The following P3H4 variants were observed in gnomAD, a reference collection of about 807,000 sequenced individuals.
The protein encoded by P3H4 is prolyl 3-hydroxylase family member 4 (inactive).
A neutral mutation model predicts 52.9 loss-of-function variants in P3H4; 47 were observed. That is an observed-to-expected ratio of 0.89 (90% confidence interval 0.70 to 1.13). The LOEUF (loss-of-function observed/expected upper bound fraction) is 1.13. Ranked by LOEUF, P3H4 falls within the 50% of genes most tolerant of loss-of-function variation. The probability of loss-of-function intolerance (pLI) is 0.00; values close to 1 mark genes in which losing one functional copy is unlikely to be tolerated. For missense variants in P3H4, 585 were observed against 611.0 expected, an observed-to-expected ratio of 0.96 and a Z score of 0.45; for synonymous variants, 256 against 267.9, an observed-to-expected ratio of 0.96 and a Z score of 0.44.
rs147807044 is a variant in P3H4 at position 41,808,120 on chromosome 17, G to A, written c.917-116C>T. ...AGCCACCTCCCAGAATACCTAATGG[G>A]CTCCTTATCCCACCCAAGCATAATG... On this transcript the variant is annotated intron_variant, in intron 4 of 7. Transcript: ENST00000393928. 4.0e-3 allele frequency: 5,268 copies of A among 1,325,170 alleles called. 22 individuals carry two copies. The highest frequency in any genetic ancestry group is 3.9e-3 in the Non-Finnish European group (3,757 of 971,552). 82.1% of individuals were successfully genotyped at this position (1,325,170 alleles called of 1,614,324 possible).
chr17:41,808,037 G>T (rs373523835), intron 4 of P3H4, 33 bp from the exon 5 acceptor site: 17 of 1,595,770 alleles, frequency 1.1e-5, no homozygotes, highest in Admixed American at 1.7e-5. Flanking sequence ...AATTGCTCTG[G>T]CACTTCCCCT....
At position 41,802,937 on chromosome 17, in the gene P3H4, C is replaced by A. The variant is rs1065029; in HGVS notation, c.*20G>T. 6.2e-7 allele frequency: 1 copy of A among 1,610,516 alleles called. No individual in the cohort carries two copies. The highest frequency in any genetic ancestry group is 1.1e-5 in the South Asian group (1 of 90,556). On this transcript the variant is annotated 3_prime_UTR_variant, in exon 8 of 8. Coordinates refer to ENST00000393928, the MANE Select transcript of P3H4 (RefSeq NM_006455.3). ...CGGCACCAGGCTTCCCAAGCTTGAG[C>A]GGTGTGGGGTGTCCCCTTCTCATGC... is the stretch of plus-strand genomic sequence containing the variant.
At position 41,811,825 on chromosome 17, in the gene P3H4, C is replaced by T. The variant is rs1471225452; in HGVS notation, c.91G>A (p.Glu31Lys). 1.9e-6 allele frequency: 3 copies of T among 1,540,736 alleles called. No individual in the cohort carries two copies. The East Asian group carries it at 7.8e-5, about 40-fold the overall frequency. The change falls in exon 1 of 8, where the codon GAG (glutamate) becomes AAG (lysine). Residue 31 changes from glutamate (E) to lysine (K), a missense_variant. Physicochemically the swap from Glu to Lys is moderately conservative, Grantham distance 56. Transcript: ENST00000393928. The surrounding 1 kb of genome is among the most constrained non-coding windows in gnomAD (Gnocchi z 4.8). ...GCCGCGGCCAGCGGCATCAGGTCCT[C>T]GGGCGGGAAGCCCCGGAAGCTGTAC... Reference protein sequence around the residue: ...EKYSFRGFPPEDLMPLAAAYG... With the variant: ...EKYSFRGFPPKDLMPLAAAYG...
rs782373074 is a variant in P3H4 at position 41,809,798 on chromosome 17, C to G, written c.824G>C (p.Cys275Ser). Residue 275 changes from cysteine (C) to serine (S), a missense_variant, in exon 4 of 8, where the codon TGT becomes TCT. Cys to Ser is a moderately radical substitution (Grantham distance 112). Transcript: ENST00000393928. ...FAESLQCKVD[C>S]EANLTPNVGG... ...CACATTGGGGGTCAAATTGGCCTCA[C>G]AGTCCACCTTGCACTGCAGGGACTC... 2.5e-6 allele frequency: 4 copies of G among 1,613,944 alleles called. No homozygotes were observed. Among genetic ancestry groups the G allele is most frequent in the African/African-American group, 1.3e-5 (1 of 75,034 alleles).
chr17:41,806,143 C>T (rs540945253), intron 6 of P3H4, among the ~76,000 whole-genome samples: 3 of 151,860 alleles, frequency 2.0e-5, no homozygotes, highest in Admixed American at 1.3e-4. Context: ...CGTGTGAACC[C>T]GGGAGGCAGA....
chr17:41,810,587 C>T (rs1216794049), intron 3 of P3H4: 9 of 441,310 alleles, frequency 2.0e-5, no homozygotes, highest in South Asian at 3.9e-5. Flanking sequence ...TACTTCTCAC[C>T]GCTGCACCTT....
At chr17:41,806,218 C>CAAAA (rs112940373) in intron 6 of P3H4, among the ~76,000 whole-genome samples, 10 of 140,158 alleles carry the variant, frequency 7.1e-5, no homozygotes, top group Admixed American at 1.4e-4. Context: ...GACTCCATCT[C>CAAAA]AAAAAAAAAA....
chr17:41,811,334 G>A lies in P3H4; in HGVS notation c.463-50C>T, dbSNP rs1567850644. ...GAGCGGGTCAGCAAGACCGGAGCTC[G>A]CGGCCCCGAGCGCACGGCGGGCTTC... On this transcript the variant is annotated intron_variant, in intron 1 of 7. Coordinates refer to ENST00000393928, the MANE Select transcript of P3H4 (RefSeq NM_006455.3). The surrounding 1 kb of genome is among the most constrained non-coding windows in gnomAD (Gnocchi z 4.8). 2 of 1,608,112 alleles carry A rather than the reference G, an allele frequency of 1.2e-6. No homozygotes were observed. The highest frequency in any genetic ancestry group is 1.7e-5 in the Admixed American group (1 of 59,912).
rs1166622014 is a variant in P3H4 at position 41,807,067 on chromosome 17, T to C, written c.1063-188A>G. ...ACACTGGGTTAAGGATTCTGAGAGT[T>C]TGGTGACAAAGAGTCCCTCAATCGA... On this transcript the variant is annotated intron_variant, in intron 5 of 7. Coordinates refer to ENST00000393928, the MANE Select transcript of P3H4 (RefSeq NM_006455.3). 1.2e-5 allele frequency: 7 copies of C among 580,534 alleles called. No individual in the cohort carries two copies. In the Admixed American group the frequency reaches 1.5e-4, roughly 12 times the overall value. The allele number at this position is 580,534 out of a possible 1,614,324, so 36.0% of individuals were successfully genotyped here.
In P3H4 at chr17:41,811,230, G is replaced by C. The variant is rs782357317; in HGVS notation, c.517C>G (p.Pro173Ala). 1 of 1,614,070 alleles carries C rather than the reference G, an allele frequency of 6.2e-7. No individual in the cohort carries two copies. The highest frequency in any genetic ancestry group is 8.5e-7 in the Non-Finnish European group (1 of 1,180,046). Residue 173 changes from proline (P) to alanine (A), a missense_variant, in exon 2 of 8, where the codon CCG (proline) becomes GCG (alanine). By Grantham distance (27) the Pro-to-Ala change is conservative. Coordinates refer to ENST00000393928, the MANE Select transcript of P3H4 (RefSeq NM_006455.3). This position sits in a 1 kb window ranked among gnomAD's most constrained non-coding sequence, Gnocchi z 4.8. ...TACTTGGCGGTCAGCTCGTGCTTCG[G>C]GTTCCTCTGGAGGAAGGTGTAGGCC... ...AAAYTFLQRNPKHELTAKYLN... is the reference protein window; with the variant it reads ...AAAYTFLQRNAKHELTAKYLN...
rs372954892 is a variant in P3H4, at chr17:41,811,131, C to T, written c.615+1G>A. 4 of 1,614,058 alleles carry T rather than the reference C, an allele frequency of 2.5e-6. No individual in the cohort carries two copies. The highest frequency in any genetic ancestry group is 3.4e-6 in the Non-Finnish European group (4 of 1,180,000). On this transcript the variant is annotated splice_donor_variant, in intron 2 of 7. Transcript: ENST00000393928. LOFTEE classifies it high-confidence loss of function. This position sits in a 1 kb window ranked among gnomAD's most constrained non-coding sequence, Gnocchi z 4.8. ...AGCCTCCTCCTGACCCTCCACCCCA[C>T]CTCGTAGGGCTGGGCCTCTAGGTCC...
At chr17:41,809,343 G>A (rs1555614593) in intron 4 of P3H4, among the ~76,000 whole-genome samples, 2 of 152,192 alleles carry the variant, frequency 1.3e-5, no homozygotes, top group Non-Finnish European at 2.9e-5. Flanking sequence ...TTGAATCCGG[G>A]AGGCAGCGGT....
In P3H4 at chr17:41,810,682, A is replaced by T. The variant is rs1212867099; in HGVS notation, c.787+181T>A. 4.5e-6 allele frequency: 3 copies of T among 673,532 alleles called. No individual in the cohort carries two copies. In the East Asian group the frequency reaches 8.4e-5, roughly 19 times the overall value. 41.7% of individuals were successfully genotyped at this position (673,532 alleles called of 1,614,324 possible). A position where few individuals can be genotyped will look rare whatever the true frequency, so the allele number is the denominator to read the frequency against. ...GGGATGTCACTGCCTCTACTCACTG[A>T]TCCAGCCCCTTGGACACTCCCAGCT... is the stretch of plus-strand genomic sequence containing the variant. On this transcript the variant is annotated intron_variant, in intron 3 of 7. Transcript: ENST00000393928.
intron 4 of P3H4, 54 bp downstream of exon 4, chr17:41,809,652 C>A: frequency 6.3e-7 from 1 of 1,588,472 alleles, no homozygotes; most frequent in Non-Finnish European, 8.6e-7. Flanking sequence ...CCCATACAGT[C>A]CTCTCCCTTA....
Position 41,802,779 on chromosome 17 carries a change from T to C in P3H4, c.*178A>G. 1.6e-6 allele frequency: 1 copy of C among 607,664 alleles called. No homozygotes were observed. Among genetic ancestry groups the C allele is most frequent in the Non-Finnish European group, 2.9e-6 (1 of 349,680 alleles). 37.6% of individuals were successfully genotyped at this position (607,664 alleles called of 1,614,324 possible). A position where few individuals can be genotyped will look rare whatever the true frequency, so the allele number is the denominator to read the frequency against. ...GTTGGCCAGGCTGGTCTTGAACTCC[T>C]GGCCTCAAGTGATCCACCCACCTTG... On this transcript the variant is annotated 3_prime_UTR_variant, in exon 8 of 8. Coordinates refer to ENST00000393928, the MANE Select transcript of P3H4 (RefSeq NM_006455.3).
rs1555614919 is a variant in P3H4 at position 41,810,975 on chromosome 17, C to T, written c.675G>A (p.Glu225=). 1.2e-6 allele frequency: 2 copies of T among 1,614,194 alleles called. No individual in the cohort carries two copies. The highest frequency in any genetic ancestry group is 3.3e-5 in the Admixed American group (2 of 60,028). The change falls in exon 3 of 8, where the codon GAG becomes GAA. Residue 225 remains glutamate, a synonymous_variant. Transcript: ENST00000393928. ...YNSGDFRSST[E]DMERALSEYL... ...ACTCTGACAAGGCCCGCTCCATGTC[C>T]TCCGTGCTGCTGCGGAAATCCCCGC...
At chr17:41,807,004 CAGCTCACA>C (rs1555614287) in intron 5 of P3H4, 125 bp from the exon 6 acceptor site, 1 of 699,214 alleles carries the variant, frequency 1.4e-6, no homozygotes, top group Non-Finnish European at 2.5e-6. Flanking sequence ...GAATAGGTAT[CAGCTCACA>C]AGCTCATCAG....
rs1341779099 is a variant in P3H4, at chr17:41,807,920, A to C, written c.1001T>G (p.Val334Gly). ...PKDSVMQQNL[V>G]YYRFHRARWG... ...GCGAGCCCGGTGGAACCGGTAATACACCAGGTTCTGCTGCATGACGCTGTC... is the reference window on the plus strand; with the variant it reads ...GCGAGCCCGGTGGAACCGGTAATACCCCAGGTTCTGCTGCATGACGCTGTC... The change falls in exon 5 of 8, where the codon GTG (valine) becomes GGG (glycine). Residue 334 changes from valine (V) to glycine (G), a missense_variant. Coordinates refer to ENST00000393928, the MANE Select transcript of P3H4 (RefSeq NM_006455.3). 4.3e-6 allele frequency: 7 copies of C among 1,614,006 alleles called. No individual in the cohort carries two copies. In the African/African-American group the frequency reaches 9.3e-5, roughly 22 times the overall value.
rs367871680 is a variant in P3H4 at position 41,805,087 on chromosome 17, C to T, written c.1147-1656G>A. 6.6e-5 allele frequency among the ~76,000 whole-genome samples: 10 copies of T among 151,978 alleles called. No homozygotes were observed. The East Asian group carries it at 9.8e-4, about 15-fold the overall frequency. On this transcript the variant is annotated intron_variant, in intron 6 of 7. Coordinates refer to ENST00000393928, the MANE Select transcript of P3H4 (RefSeq NM_006455.3). Reference sequence around the variant, plus strand: ...GATCACAAGGTCAGGAGATCGAGACCATACGGGGTAACATAGTGAAACCCC... The same window carrying T: ...GATCACAAGGTCAGGAGATCGAGACTATACGGGGTAACATAGTGAAACCCC...
Sources: gnomAD v4.1 joint callset for allele counts (sites outside exome capture counted in the v4.1 genomes callset) on GRCh38, gnomAD v4.1.1 for gene constraint, Gnocchi (gnomAD v3.1) non-coding constraint, MANE v1.5 for transcripts, NCBI Gene and HGNC (gene_info 2026-07-23, HGNC 2026-07-21) for gene names.